Variants in HFM1 observed in about 807,000 individuals in gnomAD.
The protein encoded by HFM1 is helicase for meiosis 1, also known as probable ATP-dependent DNA helicase HFM1.
HFM1 carries 169 observed loss-of-function variants against 192.1 expected under a neutral mutation model. The observed-to-expected ratio is 0.88, with a 90% CI of 0.78 to 1.00. The LOEUF is 1.00. Among genes scored for constraint, HFM1 ranks in the 50% least tolerant of loss-of-function variants. The pLI, the probability that HFM1 is intolerant of heterozygous loss-of-function variation, is 0.00. For synonymous variants in HFM1, 525 were observed against 537.8 expected (o/e 0.98, Z 0.33); for missense variants, 1,661 against 1,668.0 (o/e 1.00, Z 0.07).
chr1:91,320,155 A>C (rs1021968374), intron 23 of HFM1, among the ~76,000 whole-genome samples: 2 of 152,224 alleles, frequency 1.3e-5, no homozygotes, highest in African/African-American at 2.4e-5. Flanking sequence ...TTAAAAAACA[A>C]ATTTCTTCCT....
chr1:91,341,939 T>C (rs1655396298), intron 20 of HFM1, among the ~76,000 whole-genome samples: 1 of 151,226 alleles, frequency 6.6e-6, no homozygotes, highest in Admixed American at 6.6e-5. Context: ...CAAAATTGAA[T>C]CAGAAATAAA....
chr1:91,344,064 C>T (rs1261350631), intron 19 of HFM1, among the ~76,000 whole-genome samples: 3 of 152,172 alleles, frequency 2.0e-5, no homozygotes, highest in Non-Finnish European at 4.4e-5. Flanking sequence ...CCCTGTTTGC[C>T]ACTTTCTTGA....
rs377471774 is a variant in HFM1, at chr1:91,367,393, C to A, written c.1685+7965G>T. On this transcript the variant is annotated intron_variant, in intron 13 of 38. Transcript: ENST00000370425. Reference sequence around the variant, plus strand: ...TGACACCTCACACAGCTGGGTACTCCTCTGAGACAAAACTTCCAGAGGAAC... The same window carrying A: ...TGACACCTCACACAGCTGGGTACTCATCTGAGACAAAACTTCCAGAGGAAC... Among the ~76,000 whole-genome samples the A allele has an allele frequency of 8.9e-4, 136 of 152,276 alleles. 3 individuals are homozygous for A. In the South Asian group the frequency reaches 0.025, roughly 28 times the overall value.
intron 11 of HFM1, 114 bp from the exon 12 acceptor site, chr1:91,375,841 T>G: frequency 1.3e-6 from 1 of 750,542 alleles, no homozygotes. Flanking sequence ...TTTAATCAAG[T>G]ATGCTGTCTT....
intron 13 of HFM1, among the ~76,000 whole-genome samples, chr1:91,361,652 G>A (rs1309004546): frequency 6.6e-6 from 1 of 152,142 alleles, no homozygotes; most frequent in African/African-American, 2.4e-5. Flanking sequence ...CATTTCTACT[G>A]AAACTATTCC....
chr1:91,299,068 G>T (rs1393000619), intron 30 of HFM1, among the ~76,000 whole-genome samples: 28 of 151,956 alleles, frequency 1.8e-4, no homozygotes, highest in African/African-American at 4.4e-4. Flanking sequence ...GACACATATA[G>T]GCTCAAAATA....
intron 30 of HFM1, among the ~76,000 whole-genome samples, chr1:91,306,504 A>G (rs1317762251): frequency 6.6e-6 from 1 of 152,180 alleles, no homozygotes; most frequent in Non-Finnish European, 1.5e-5. Context: ...ATATTGATCT[A>G]CTTTTGAATG....
intron 23 of HFM1, among the ~76,000 whole-genome samples, chr1:91,320,280 T>C (rs750105492): frequency 3.9e-5 from 6 of 152,212 alleles, no homozygotes; most frequent in African/African-American, 4.8e-5. Flanking sequence ...ACATGAAAAT[T>C]GAAAGAAGTA....
intron 29 of HFM1, 46 bp from the exon 30 acceptor site, chr1:91,313,541 A>G (rs1316325299): frequency 7.4e-7 from 1 of 1,350,142 alleles, no homozygotes; most frequent in Non-Finnish European, 1.0e-6. Context: ...TGTCATATAA[A>G]TCCACATATG....
At chr1:91,374,768 C>A (rs1366003812) in intron 13 of HFM1, among the ~76,000 whole-genome samples, 2 of 152,110 alleles carry the variant, frequency 1.3e-5, no homozygotes, top group Non-Finnish European at 2.9e-5. Flanking sequence ...AGGCCTGGAG[C>A]TCAGTAAGGA....
chr1:91,304,357 C>T (rs1337320227), intron 30 of HFM1, among the ~76,000 whole-genome samples: 1 of 152,104 alleles, frequency 6.6e-6, no homozygotes, highest in African/African-American at 2.4e-5. Flanking sequence ...TCTATTTTTT[C>T]TTTGGTTACT....
At chr1:91,397,539 T>A (rs1480635317) in intron 2 of HFM1, among the ~76,000 whole-genome samples, 1 of 152,202 alleles carries the variant, frequency 6.6e-6, no homozygotes, top group African/African-American at 2.4e-5. Flanking sequence ...GTCTTTTACT[T>A]TTCTGTCTCT....
intron 18 of HFM1, among the ~76,000 whole-genome samples, chr1:91,349,484 GTCTC>G (rs901884182): frequency 2.6e-5 from 4 of 151,892 alleles, no homozygotes; most frequent in African/African-American, 9.7e-5. Flanking sequence ...CTCTGTCTCT[GTCTC>G]TCTCTCTCTT....
intron 4 of HFM1, among the ~76,000 whole-genome samples, chr1:91,390,402 C>G (rs1365834180): frequency 6.9e-6 from 1 of 144,088 alleles, no homozygotes; most frequent in Non-Finnish European, 1.5e-5. Flanking sequence ...CACCACTGCA[C>G]TCAAGCCTGG....
chr1:91,352,729 C>A, intron 15 of HFM1, 78 bp from the exon 16 acceptor site: 2 of 1,087,582 alleles, frequency 1.8e-6, no homozygotes, highest in East Asian at 2.7e-5. Context: ...AAAAGACATT[C>A]TTATAAATGT....
intron 11 of HFM1, among the ~76,000 whole-genome samples, chr1:91,376,539 C>T (rs1037336473): frequency 1.3e-5 from 2 of 151,706 alleles, no homozygotes; most frequent in African/African-American, 4.8e-5. Context: ...AAGAATTAGA[C>T]AGTACTAGTA....
chr1:91,319,990 A>T (rs1016033909), intron 23 of HFM1, among the ~76,000 whole-genome samples: 1 of 152,134 alleles, frequency 6.6e-6, no homozygotes, highest in Non-Finnish European at 1.5e-5. Context: ...GTTCAAGGGG[A>T]AAAAAGACAC....
chr1:91,278,728 G>A (rs140581952), intron 30 of HFM1, among the ~76,000 whole-genome samples: 1 of 152,110 alleles, frequency 6.6e-6, no homozygotes, highest in African/African-American at 2.4e-5. Flanking sequence ...GGTCCTTAGA[G>A]CTGAACAGAT....
intron 13 of HFM1, among the ~76,000 whole-genome samples, chr1:91,365,219 T>C (rs941300072): frequency 6.6e-6 from 1 of 151,732 alleles, no homozygotes; most frequent in Non-Finnish European, 1.5e-5. Context: ...GGGGAAGAAA[T>C]GGGGAGATGT....
Sources: gnomAD v4.1 joint callset for allele counts (sites outside exome capture counted in the v4.1 genomes callset) on GRCh38, gnomAD v4.1.1 for gene constraint, MANE v1.5 for transcripts, NCBI Gene and HGNC (gene_info 2026-07-23, HGNC 2026-07-21) for gene names.